The following IGSF3 variants were observed in gnomAD, a reference collection of about 807,000 sequenced individuals.
IGSF3 encodes the protein immunoglobulin superfamily member 3, also known as glu-Trp-Ile EWI motif-containing protein 3.
IGSF3 carries 23 observed loss-of-function variants against 114.4 expected under a neutral mutation model. The ratio of observed to expected loss-of-function variants is 0.20; its 90% CI spans 0.14 to 0.28. IGSF3 has a LOEUF of 0.28. Among genes scored for constraint, IGSF3 ranks in the 10% least tolerant of loss-of-function variants. The probability of loss-of-function intolerance (pLI) is 1.00; values close to 1 mark genes in which losing one functional copy is unlikely to be tolerated. For missense variants in IGSF3, 1,172 were observed against 1,591.5 expected (o/e 0.74, Z 4.48); for synonymous variants, 571 against 645.2 (o/e 0.88, Z 1.74).
At position 116,618,382 on chromosome 1, in the gene IGSF3, C is replaced by T. The variant is rs4044814; in HGVS notation, c.44-1925G>A. Among the ~76,000 whole-genome samples the T allele has an allele frequency of 2.0e-5, 3 of 152,162 alleles. No homozygotes were observed. Among genetic ancestry groups the T allele is most frequent in the Non-Finnish European group, 4.4e-5 (3 of 68,042 alleles). Reference sequence around the variant, plus strand: ...TAAAATATGATGCATAACATTTTTACTATATGTACAGTCATGCACTGAATA... The same window carrying T: ...TAAAATATGATGCATAACATTTTTATTATATGTACAGTCATGCACTGAATA... On this transcript the variant is annotated intron_variant, in intron 2 of 10. Coordinates refer to ENST00000369486, the MANE Select transcript of IGSF3 (RefSeq NM_001007237.3). The surrounding 1 kb of genome is among the most constrained non-coding windows in gnomAD (Gnocchi z 4.7).
Position 116,584,678 on chromosome 1 carries a change from C to T in IGSF3, c.2815G>A (p.Ala939Thr), listed in dbSNP as rs769798109. Residue 939 changes from alanine (A) to threonine (T), a missense_variant, in exon 9 of 11, where the codon GCT becomes ACT. By Grantham distance (58) the Ala-to-Thr change is moderately conservative (BLOSUM62 0). Around this residue, in one of 3 missense-constraint regions of IGSF3, gnomAD observed 423 missense variants for 509.8 expected, o/e 0.83. Coordinates refer to ENST00000369486, the MANE Select transcript of IGSF3 (RefSeq NM_001007237.3). The surrounding 1 kb of genome is among the most constrained non-coding windows in gnomAD (Gnocchi z 5.8). ...GMWYKRAEDT[A>T]GQTALTVMRP... ...ATGACTGTCAGAGCTGTCTGCCCAG[C>T]GGTGTCCTCTGCCCGCTTATACCAC... 1.5e-5 allele frequency: 24 copies of T among 1,614,050 alleles called. No homozygotes were observed. Among genetic ancestry groups the T allele is most frequent in the South Asian group, 6.6e-5 (6 of 91,096 alleles).
intron 5 of IGSF3, among the ~76,000 whole-genome samples, chr1:116,604,824 T>G (rs1435847148): frequency 1.3e-5 from 2 of 152,324 alleles, no homozygotes; most frequent in South Asian, 2.1e-4. Context: ...CTATCTGAAT[T>G]CACTCAATCA....
At chr1:116,613,061 A>G (rs879493363) in intron 4 of IGSF3, among the ~76,000 whole-genome samples, 3 of 152,208 alleles carry the variant, frequency 2.0e-5, no homozygotes, top group Non-Finnish European at 2.9e-5. Context: ...TCTACAGTGG[A>G]ACTTGGTACT....
chr1:116,590,293 T>C (rs1660050229), intron 7 of IGSF3, among the ~76,000 whole-genome samples: 1 of 151,826 alleles, frequency 6.6e-6, no homozygotes, highest in Non-Finnish European at 1.5e-5. Flanking sequence ...AGGAAGGTGA[T>C]TTGAGATCTC....
In IGSF3 at chr1:116,584,972, G is replaced by C. The variant is rs147901178; in HGVS notation, c.2521C>G (p.Leu841Val). Reference sequence around the variant, plus strand: ...TGGGAGGTTATGCTGGTGCGGTTGAGAACCACACACTCCAGCTGTACCTGC... The same window carrying C: ...TGGGAGGTTATGCTGGTGCGGTTGACAACCACACACTCCAGCTGTACCTGC... ...TRQVQLECVVLNRTSITSQLM... is the reference protein window; with the variant it reads ...TRQVQLECVVVNRTSITSQLM... The change falls in exon 9 of 11, where the codon CTC (leucine) becomes GTC (valine). Residue 841 changes from leucine (L) to valine (V), a missense_variant. Physicochemically the swap from Leu to Val is conservative, Grantham distance 32. Around this residue, in one of 3 missense-constraint regions of IGSF3, gnomAD observed 423 missense variants for 509.8 expected, o/e 0.83. Coordinates refer to ENST00000369486, the MANE Select transcript of IGSF3 (RefSeq NM_001007237.3). This position sits in a 1 kb window ranked among gnomAD's most constrained non-coding sequence, Gnocchi z 5.8. 1 of 1,605,766 alleles carries C rather than the reference G, an allele frequency of 6.2e-7. No homozygotes were observed. The highest frequency in any genetic ancestry group is 1.3e-5 in the African/African-American group (1 of 74,810).
In IGSF3 at chr1:116,655,548, GAA is replaced by G. The variant is rs1054382440; in HGVS notation, c.43+10734_43+10735del. 1.3e-5 allele frequency among the ~76,000 whole-genome samples: 2 copies of G among 151,958 alleles called. No homozygotes were observed. The highest frequency in any genetic ancestry group is 2.9e-5 in the Non-Finnish European group (2 of 67,978). ...CAATAACTGTTGCTGCAGGGGTTGA[GAA>G]AAAAAAGTTCTCTTCCTTTGGGTTA... On this transcript the variant is annotated intron_variant, in intron 2 of 10. Transcript: ENST00000369486. This position sits in a 1 kb window ranked among gnomAD's most constrained non-coding sequence, Gnocchi z 4.3.
At chr1:116,652,945 G>A (rs1047173372) in intron 2 of IGSF3, among the ~76,000 whole-genome samples, 7 of 152,136 alleles carry the variant, frequency 4.6e-5, no homozygotes, top group African/African-American at 1.7e-4. Context: ...CATTCATGGG[G>A]CATCTTGAAC....
Position 116,624,085 on chromosome 1 carries a change from T to G in IGSF3, c.44-7628A>C, listed in dbSNP as rs1557876310. Among the ~76,000 whole-genome samples the G allele has an allele frequency of 1.5e-5, 2 of 136,540 alleles. No individual in the cohort carries two copies. The highest frequency in any genetic ancestry group is 3.2e-5 in the Non-Finnish European group (2 of 63,344). 89.6% of individuals were successfully genotyped at this position (136,540 alleles called of 152,430 possible). ...CTGGGCAACAGAGAAAGACTCTATC[T>G]AAAAAAAAAACAAAAAAAAGGTCCC... On this transcript the variant is annotated intron_variant, in intron 2 of 10. Transcript: ENST00000369486. The surrounding 1 kb of genome is among the most constrained non-coding windows in gnomAD (Gnocchi z 4.9).
chr1:116,653,614 G>A (rs1648726960), intron 2 of IGSF3, among the ~76,000 whole-genome samples: 1 of 152,172 alleles, frequency 6.6e-6, no homozygotes, highest in African/African-American at 2.4e-5. Context: ...TCTCCTGTTA[G>A]GGGCATTTTC....
rs1659291090 is a variant in IGSF3, at chr1:116,575,229, C to T, written c.*2083G>A. 1 of 152,584 alleles carries T rather than the reference C, an allele frequency of 6.6e-6. No homozygotes were observed. The highest frequency in any genetic ancestry group is 1.5e-5 in the Non-Finnish European group (1 of 68,030). 9.5% of individuals were successfully genotyped at this position (152,584 alleles called of 1,614,324 possible). A position where few individuals can be genotyped will look rare whatever the true frequency, so the allele number is the denominator to read the frequency against. ...GAAATAAAGAAATGGGGCAAAAGAC[C>T]TTCTTTTTTCATGACTGAGCCGCTC... On this transcript the variant is annotated 3_prime_UTR_variant, in exon 11 of 11. Coordinates refer to ENST00000369486, the MANE Select transcript of IGSF3 (RefSeq NM_001007237.3). This position sits in a 1 kb window ranked among gnomAD's most constrained non-coding sequence, Gnocchi z 5.6.
chr1:116,666,378 C>A lies in IGSF3; in HGVS notation c.-52G>T. 1 of 1,549,298 alleles carries A rather than the reference C, an allele frequency of 6.5e-7. No individual in the cohort carries two copies. On this transcript the variant is annotated 5_prime_UTR_variant, in exon 2 of 11. Coordinates refer to ENST00000369486, the MANE Select transcript of IGSF3 (RefSeq NM_001007237.3). Reference sequence around the variant, plus strand: ...CAAGGCGCTTCCTCTTCTCCCAGCTCCTAATCTCTCATTTCTGGCAATCCA... The same window carrying A: ...CAAGGCGCTTCCTCTTCTCCCAGCTACTAATCTCTCATTTCTGGCAATCCA...
rs1240472566 is a variant in IGSF3 at position 116,605,642 on chromosome 1, G to A, written c.1223-1617C>T. Among the ~76,000 whole-genome samples, 1 of 152,132 alleles carries A rather than the reference G, an allele frequency of 6.6e-6. No individual in the cohort carries two copies. The highest frequency in any genetic ancestry group is 1.5e-5 in the Non-Finnish European group (1 of 68,040). ...CATGTGCAAAATGGAGATACTAATA[G>A]TGCCTACTTCTTAGGGCATGACATT... On this transcript the variant is annotated intron_variant, in intron 5 of 10. Coordinates refer to ENST00000369486, the MANE Select transcript of IGSF3 (RefSeq NM_001007237.3). The surrounding 1 kb of genome is among the most constrained non-coding windows in gnomAD (Gnocchi z 5.1).
rs1374433592 is a variant in IGSF3 at position 116,583,968 on chromosome 1, G to A, written c.2848+677C>T. ...TTGAAAAGCCGAGGCGGTGGTGGGGGTCACGAGGTCAGGAGATCGAGACCA... is the reference window on the plus strand; with the variant it reads ...TTGAAAAGCCGAGGCGGTGGTGGGGATCACGAGGTCAGGAGATCGAGACCA... On this transcript the variant is annotated intron_variant, in intron 9 of 10. Transcript: ENST00000369486. The surrounding 1 kb of genome is among the most constrained non-coding windows in gnomAD (Gnocchi z 4.5). 6.6e-6 allele frequency among the ~76,000 whole-genome samples: 1 copy of A among 152,104 alleles called. No individual in the cohort carries two copies. The highest frequency in any genetic ancestry group is 1.9e-4 in the East Asian group (1 of 5,188).
Position 116,634,604 on chromosome 1 carries a change from A to G in IGSF3, c.44-18147T>C, listed in dbSNP as rs1005810185. Among the ~76,000 whole-genome samples, 2 of 152,188 alleles carry G rather than the reference A, an allele frequency of 1.3e-5. No individual in the cohort carries two copies. The highest frequency in any genetic ancestry group is 1.3e-4 in the Admixed American group (2 of 15,282). ...CTGCTATGAGGGAGTTCATTTGTTC[A>G]TGCAATTTCCCCACCTGAGACAAAA... is the stretch of plus-strand genomic sequence containing the variant. On this transcript the variant is annotated intron_variant, in intron 2 of 10. Transcript: ENST00000369486. The surrounding 1 kb of genome is among the most constrained non-coding windows in gnomAD (Gnocchi z 4.2).
intron 9 of IGSF3, among the ~76,000 whole-genome samples, chr1:116,580,916 G>T (rs922119692): frequency 6.6e-6 from 1 of 152,228 alleles, no homozygotes; most frequent in African/African-American, 2.4e-5. Flanking sequence ...GAGCCTTCAT[G>T]GGGAGCATGG....
At position 116,608,285 on chromosome 1, in the gene IGSF3, C is replaced by T. The variant is rs760303281; in HGVS notation, c.879G>A (p.Thr293=). 3 of 1,612,504 alleles carry T rather than the reference C, an allele frequency of 1.9e-6. No homozygotes were observed. Among genetic ancestry groups the T allele is most frequent in the African/African-American group, 1.3e-5 (1 of 75,000 alleles). The change falls in exon 5 of 11, where the codon ACG becomes ACA. Residue 293 remains threonine, a synonymous_variant. Transcript: ENST00000369486. ...ATCTGAACTCCACCGGCTCGCCCAC[C>T]GTGTGCAGCCGCTTCTCTGTCTCCA... ...VRLETEKRLH[T]VGEPVEFRCI...
rs978123987 is a variant in IGSF3 at position 116,666,527 on chromosome 1, C to T, written c.-201G>A. ...GGAGGAGTGGAGGCAAGTGTGAAAA[C>T]TCCCCTATGCTACAGGAAGGGTCCA... On this transcript the variant is annotated 5_prime_UTR_variant, in exon 2 of 11. Transcript: ENST00000369486. The T allele has an allele frequency of 3.2e-6, 2 of 619,010 alleles. No homozygotes were observed. The highest frequency in any genetic ancestry group is 2.7e-5 in the East Asian group (1 of 36,726). The allele number at this position is 619,010 out of a possible 1,614,324, so 38.3% of individuals were successfully genotyped here. A position where few individuals can be genotyped will look rare whatever the true frequency, so the allele number is the denominator to read the frequency against.
intron 2 of IGSF3, 123 bp downstream of exon 2, chr1:116,666,161 C>G: frequency 2.2e-6 from 2 of 910,594 alleles, no homozygotes; most frequent in Non-Finnish European, 3.7e-6. Flanking sequence ...CTGTGACACA[C>G]ACCGACCGCC....
chr1:116,602,087 G>A (rs1266437762), intron 6 of IGSF3, among the ~76,000 whole-genome samples: 2 of 152,172 alleles, frequency 1.3e-5, no homozygotes. Context: ...ACCTTAATTA[G>A]TCTAGAGTGC....
Sources: allele counts gnomAD v4.1 joint callset (sites outside exome capture counted in the v4.1 genomes callset), GRCh38; gene constraint gnomAD v4.1.1; regional missense constraint gnomAD v4.1.1; non-coding constraint Gnocchi (gnomAD v3.1); transcripts MANE v1.5; gene names NCBI Gene and HGNC (gene_info 2026-07-23, HGNC 2026-07-21).